Variants in FOXP2 observed in about 807,000 individuals in gnomAD.
The protein encoded by FOXP2 is forkhead box protein P2.
FOXP2 carries 12 observed loss-of-function variants against 115.8 expected under a neutral mutation model. That is an observed-to-expected ratio of 0.10 (90% confidence interval 0.07 to 0.17). The LOEUF (loss-of-function observed/expected upper bound fraction) is 0.17. Among genes scored for constraint, FOXP2 ranks in the 10% least tolerant of loss-of-function variants. FOXP2 has a pLI of 1.00. For missense variants in FOXP2, 629 were observed against 843.5 expected, an observed-to-expected ratio of 0.75 and a Z score of 3.15; for synonymous variants, 328 against 297.7, an observed-to-expected ratio of 1.10 and a Z score of -1.05.
chr7:114,243,422 G>C, intron 1 of FOXP2, among the ~76,000 whole-genome samples: 1 of 152,148 alleles, frequency 6.6e-6, no homozygotes, highest in East Asian at 1.9e-4. Context: ...GAACATCTTT[G>C]TATGTCTTTA....
chr7:114,304,262 A>T (rs1262846765), intron 2 of FOXP2, among the ~76,000 whole-genome samples: 1 of 152,116 alleles, frequency 6.6e-6, no homozygotes, highest in East Asian at 1.9e-4. Context: ...CACATGAAGA[A>T]TGGTAAATAA....
At chr7:114,368,031 C>G (rs570634116) in intron 2 of FOXP2, among the ~76,000 whole-genome samples, 2 of 152,238 alleles carry the variant, frequency 1.3e-5, no homozygotes, top group Admixed American at 6.5e-5. Flanking sequence ...AAATACTACT[C>G]CAGTTTTCCT....
chr7:114,468,558 A>G (rs1452040176), intron 2 of FOXP2, among the ~76,000 whole-genome samples: 1 of 152,100 alleles, frequency 6.6e-6, no homozygotes. Flanking sequence ...CCTACGCTAC[A>G]TACGGGTCCT....
intron 2 of FOXP2, among the ~76,000 whole-genome samples, chr7:114,333,161 TG>T (rs1355888746): frequency 1.3e-5 from 2 of 152,162 alleles, no homozygotes; most frequent in Admixed American, 1.3e-4. Context: ...TCATATTATT[TG>T]GGGAAAGAAT....
chr7:114,554,362 CT>C (rs1392824378), intron 3 of FOXP2, among the ~76,000 whole-genome samples: 1 of 151,988 alleles, frequency 6.6e-6, no homozygotes, highest in Non-Finnish European at 1.5e-5. Context: ...TACCATTGTG[CT>C]TTTAAAGAGT....
At chr7:114,392,845 A>G (rs1430919349) in intron 2 of FOXP2, among the ~76,000 whole-genome samples, 3 of 152,212 alleles carry the variant, frequency 2.0e-5, no homozygotes, top group African/African-American at 7.2e-5. Flanking sequence ...GGAATGTGCC[A>G]GTTGGTTAAG....
At chr7:114,172,239 C>T (rs1378362136) in intron 1 of FOXP2, among the ~76,000 whole-genome samples, 2 of 152,108 alleles carry the variant, frequency 1.3e-5, no homozygotes, top group Non-Finnish European at 2.9e-5. Flanking sequence ...TATTGTGATA[C>T]TTTATTACGG....
chr7:114,650,440 AAT>A (rs1373067330), intron 8 of FOXP2, among the ~76,000 whole-genome samples: 1 of 152,044 alleles, frequency 6.6e-6, no homozygotes, highest in Non-Finnish European at 1.5e-5. Flanking sequence ...AAAAAAAAAA[AAT>A]CTTACGGAAA....
intron 3 of FOXP2, among the ~76,000 whole-genome samples, chr7:114,599,585 A>C (rs2129312770): frequency 6.6e-6 from 1 of 152,276 alleles, no homozygotes; most frequent in African/African-American, 2.4e-5. Flanking sequence ...CACCTAAAAT[A>C]TTAAATTAAG....
chr7:114,609,212 CAAAA>C (rs960716714), intron 3 of FOXP2, among the ~76,000 whole-genome samples: 1 of 92,234 alleles, frequency 1.1e-5, no homozygotes, highest in Non-Finnish European at 2.3e-5. Flanking sequence ...GACTCTGTCT[CAAAA>C]AAAAAAAAAA....
chr7:114,258,859 T>A (rs1168479570), intron 1 of FOXP2, among the ~76,000 whole-genome samples: 1 of 152,188 alleles, frequency 6.6e-6, no homozygotes, highest in Non-Finnish European at 1.5e-5. Flanking sequence ...TAGGCTGTGA[T>A]GAAGTTTAAG....
intron 9 of FOXP2, chr7:114,653,348 A>G (rs1806388828): frequency 6.3e-6 from 1 of 159,684 alleles, no homozygotes; most frequent in Non-Finnish European, 1.4e-5. Context: ...ATGGAAAAGT[A>G]AGGTCCGTCA....
At chr7:114,556,124 A>T (rs1452442693) in intron 3 of FOXP2, among the ~76,000 whole-genome samples, 7 of 152,152 alleles carry the variant, frequency 4.6e-5, no homozygotes, top group Non-Finnish European at 8.8e-5. Flanking sequence ...TTTCATGTCA[A>T]ATGGTAAGAA....
intron 2 of FOXP2, 68 bp downstream of exon 2, chr7:114,426,747 A>G (rs1793871546): frequency 1.4e-6 from 2 of 1,480,542 alleles, no homozygotes; most frequent in African/African-American, 2.8e-5. Flanking sequence ...TGAAAAATGT[A>G]TTCATAGCAA....
chr7:114,370,484 C>T (rs922350528), intron 2 of FOXP2, among the ~76,000 whole-genome samples: 1 of 152,186 alleles, frequency 6.6e-6, no homozygotes, highest in Non-Finnish European at 1.5e-5. Context: ...CTGGTGGCCT[C>T]ATTATGGATC....
intron 2 of FOXP2, among the ~76,000 whole-genome samples, chr7:114,372,304 C>T (rs1792032026): frequency 6.6e-6 from 1 of 151,788 alleles, no homozygotes; most frequent in African/African-American, 2.4e-5. Flanking sequence ...GGCAATTCCC[C>T]CAAAGATCAT....
At chr7:114,497,774 CT>C (rs1245171736) in intron 2 of FOXP2, among the ~76,000 whole-genome samples, 5 of 151,986 alleles carry the variant, frequency 3.3e-5, no homozygotes, top group African/African-American at 1.2e-4. Flanking sequence ...AGACCACATG[CT>C]TTAAAGTATA....
chr7:114,230,070 G>C (rs1794836161), intron 1 of FOXP2, among the ~76,000 whole-genome samples: 1 of 151,762 alleles, frequency 6.6e-6, no homozygotes, highest in Non-Finnish European at 1.5e-5. Context: ...ACAGAAATAA[G>C]AATGATCATA....
At chr7:114,551,363 T>C (rs747865379) in intron 3 of FOXP2, among the ~76,000 whole-genome samples, 1 of 152,204 alleles carries the variant, frequency 6.6e-6, no homozygotes, top group Non-Finnish European at 1.5e-5. Flanking sequence ...ACCATTCTTC[T>C]AAGCCATTTT....
Sources: gnomAD v4.1 joint callset for allele counts (sites outside exome capture counted in the v4.1 genomes callset) on GRCh38, gnomAD v4.1.1 for gene constraint, MANE v1.5 for transcripts, NCBI Gene and HGNC (gene_info 2026-07-23, HGNC 2026-07-21) for gene names.